The following PTPRG variants were observed in gnomAD, a reference collection of about 807,000 sequenced individuals.
PTPRG encodes protein tyrosine phosphatase receptor type G.
A neutral mutation model predicts 165.3 loss-of-function variants in PTPRG; 102 were observed. The observed-to-expected ratio is 0.62, with a 90% CI of 0.53 to 0.73. PTPRG has a LOEUF of 0.73. PTPRG is among the 30% of genes least tolerant of loss of function. The probability of loss-of-function intolerance (pLI) is 0.00; values close to 1 mark genes in which losing one functional copy is unlikely to be tolerated. For missense variants in PTPRG, 1,866 were observed against 1,861.4 expected (o/e 1.00, Z -0.05); for synonymous variants, 675 against 669.5 (o/e 1.01, Z -0.13).
At chr3:62,096,918 G>C (rs938965818) in intron 5 of PTPRG, among the ~76,000 whole-genome samples, 4 of 152,112 alleles carry the variant, frequency 2.6e-5, no homozygotes, top group African/African-American at 9.7e-5. Flanking sequence ...CTCCCATTTA[G>C]GTTTCATTTG....
At chr3:61,716,466 C>T (rs1259749726) in intron 1 of PTPRG, among the ~76,000 whole-genome samples, 1 of 152,132 alleles carries the variant, frequency 6.6e-6, no homozygotes, top group Non-Finnish European at 1.5e-5. Flanking sequence ...ATATTTAAGT[C>T]AGGAACACAT....
intron 5 of PTPRG, among the ~76,000 whole-genome samples, chr3:62,090,816 C>T (rs1701902880): frequency 6.6e-6 from 1 of 152,084 alleles, no homozygotes; most frequent in African/African-American, 2.4e-5. Context: ...GCTAAGAGTC[C>T]CTTTGATTCT....
intron 2 of PTPRG, among the ~76,000 whole-genome samples, chr3:61,906,588 A>C (rs2038663516): frequency 6.6e-6 from 1 of 152,112 alleles, no homozygotes; most frequent in Non-Finnish European, 1.5e-5. Flanking sequence ...TGGGCAACAT[A>C]GGTAGACCCC....
chr3:62,273,003 A>T lies in PTPRG; in HGVS notation c.3240A>T (p.Ile1080=), dbSNP rs766859182. 12 of 1,613,874 alleles carry T rather than the reference A, an allele frequency of 7.4e-6. No individual in the cohort carries two copies. In the East Asian group the frequency reaches 2.5e-4, roughly 33 times the overall value. Residue 1080 remains isoleucine, a synonymous_variant, in exon 22 of 30, where the codon ATA becomes ATT. Transcript: ENST00000474889. The surrounding 1 kb of genome is among the most constrained non-coding windows in gnomAD (Gnocchi z 4.1). ...YIVIDSMLQQ[I]KDKSTVNVLG... ...TAATAGACAGCATGCTGCAACAGAT[A>T]AAAGACAAAAGCACAGTTAACGTCC...
At chr3:61,877,413 G>A (rs909886352) in intron 2 of PTPRG, among the ~76,000 whole-genome samples, 3 of 152,148 alleles carry the variant, frequency 2.0e-5, no homozygotes, top group Admixed American at 6.5e-5. Flanking sequence ...TAGGTTACCG[G>A]CAGGGGGTTA....
chr3:61,698,022 T>C (rs1337378612), intron 1 of PTPRG, among the ~76,000 whole-genome samples: 1 of 152,178 alleles, frequency 6.6e-6, no homozygotes, highest in Non-Finnish European at 1.5e-5. Context: ...TATTTCTCCG[T>C]GACTCTTCAT....
intron 5 of PTPRG, among the ~76,000 whole-genome samples, chr3:62,123,221 G>A (rs1223001902): frequency 6.6e-6 from 1 of 152,170 alleles, no homozygotes; most frequent in Non-Finnish European, 1.5e-5. Flanking sequence ...ATTGCTAGCA[G>A]AACCCAGTTC....
At chr3:61,826,619 G>C (rs773860551) in intron 2 of PTPRG, among the ~76,000 whole-genome samples, 1 of 152,102 alleles carries the variant, frequency 6.6e-6, no homozygotes, top group African/African-American at 2.4e-5. Flanking sequence ...GATGTTTGGT[G>C]TTTGTGTTAG....
Position 62,281,538 on chromosome 3 carries a change from C to CTTGTTTTTTTTTTTTTTTTTTTTTTTT in PTPRG, c.3766-23_3766-22insGTTTTTTTTTTTTTTTTTTTTTTTTTT. The CTTGTTTTTTTTTTTTTTTTTTTTTTTT allele has an allele frequency of 2.7e-5, 17 of 620,526 alleles. 2 individuals are homozygous for CTTGTTTTTTTTTTTTTTTTTTTTTTTT. The highest frequency in any genetic ancestry group is 1.1e-4 in the East Asian group (1 of 8,878). 38.4% of individuals were successfully genotyped at this position (620,526 alleles called of 1,614,324 possible). ...CAAATCCTTGACAGAACTGCAGAGG[C>CTTGTTTTTTTTTTTTTTTTTTTTTTTT]TTTTTTTTTTTTTGGATTCCAAAGG... On this transcript the variant is annotated intron_variant, in intron 26 of 29. Coordinates refer to ENST00000474889, the MANE Select transcript of PTPRG (RefSeq NM_002841.4).
intron 4 of PTPRG, among the ~76,000 whole-genome samples, chr3:62,017,756 A>C (rs1016609676): frequency 6.6e-6 from 1 of 152,182 alleles, no homozygotes; most frequent in Non-Finnish European, 1.5e-5. Context: ...CTGTTCTTCC[A>C]GAGTGTAGCT....
chr3:61,621,333 A>G (rs565470630), intron 1 of PTPRG, among the ~76,000 whole-genome samples: 7 of 152,206 alleles, frequency 4.6e-5, no homozygotes, highest in Middle Eastern at 3.4e-3. Context: ...GGATCTTGCT[A>G]AAATAAATGA....
chr3:62,219,113 C>A lies in PTPRG; in HGVS notation c.2288+130C>A. On this transcript the variant is annotated intron_variant, in intron 13 of 29. Transcript: ENST00000474889. The surrounding 1 kb of genome is among the most constrained non-coding windows in gnomAD (Gnocchi z 4.5). Reference sequence around the variant, plus strand: ...AGCTTAAGTGTTTCTGGTCTTGCCACCCGGAAGGCCATCTTGTCTCTGTTA... The same window carrying A: ...AGCTTAAGTGTTTCTGGTCTTGCCAACCGGAAGGCCATCTTGTCTCTGTTA... The A allele has an allele frequency of 8.0e-7, 1 of 1,248,842 alleles. No homozygotes were observed. The highest frequency in any genetic ancestry group is 1.1e-6 in the Non-Finnish European group (1 of 904,404). The allele number at this position is 1,248,842 out of a possible 1,614,324, so 77.4% of individuals were successfully genotyped here.
chr3:62,281,299 G>T (rs180774378), intron 26 of PTPRG, among the ~76,000 whole-genome samples: 84 of 152,052 alleles, frequency 5.5e-4, no homozygotes, highest in African/African-American at 2.0e-3. Flanking sequence ...CTTCTCAACT[G>T]TAATAAGTCC....
At chr3:61,978,460 G>T (rs927482089) in intron 2 of PTPRG, among the ~76,000 whole-genome samples, 1 of 151,554 alleles carries the variant, frequency 6.6e-6, no homozygotes, top group Non-Finnish European at 1.5e-5. Context: ...GAGTAAGGTC[G>T]TCTAGTTTTG....
chr3:61,620,288 C>T (rs992687157), intron 1 of PTPRG, among the ~76,000 whole-genome samples: 1 of 152,092 alleles, frequency 6.6e-6, no homozygotes, highest in East Asian at 1.9e-4. Flanking sequence ...TTGCAGTTTG[C>T]CTATTACGTG....
At chr3:62,231,848 G>A (rs1700910675) in intron 14 of PTPRG, among the ~76,000 whole-genome samples, 1 of 151,284 alleles carries the variant, frequency 6.6e-6, no homozygotes, top group African/African-American at 2.4e-5. Context: ...AAAAGGAAAT[G>A]CATATGAGTT....
At chr3:62,062,441 T>C (rs1700848256) in intron 4 of PTPRG, among the ~76,000 whole-genome samples, 1 of 152,194 alleles carries the variant, frequency 6.6e-6, no homozygotes, top group African/African-American at 2.4e-5. Context: ...TTTGCTCGTA[T>C]GCTTAATGCT....
intron 4 of PTPRG, among the ~76,000 whole-genome samples, chr3:62,036,107 C>T (rs1484260749): frequency 6.7e-6 from 1 of 149,700 alleles, no homozygotes; most frequent in African/African-American, 2.5e-5. Flanking sequence ...TAGACAGATA[C>T]AAAAACATCA....
intron 2 of PTPRG, among the ~76,000 whole-genome samples, chr3:61,798,038 T>C (rs1444703477): frequency 6.6e-6 from 1 of 152,212 alleles, no homozygotes; most frequent in Non-Finnish European, 1.5e-5. Flanking sequence ...CATGTAGTAA[T>C]ACTGTTGAGA....
Sources: allele counts gnomAD v4.1 joint callset (sites outside exome capture counted in the v4.1 genomes callset), GRCh38; gene constraint gnomAD v4.1.1; non-coding constraint Gnocchi (gnomAD v3.1); transcripts MANE v1.5; gene names NCBI Gene and HGNC (gene_info 2026-07-23, HGNC 2026-07-21).